NXPE2: variants seen among roughly 807,000 people sequenced by gnomAD.
The protein encoded by NXPE2 is NXPE family member 2.
A neutral mutation model predicts 34.4 loss-of-function variants in NXPE2; 34 were observed. That is an observed-to-expected ratio of 0.99 (90% CI 0.75 to 1.31). NXPE2 has a LOEUF of 1.31. NXPE2 is among the 40% of genes most tolerant of loss of function. The probability of loss-of-function intolerance (pLI) is 0.00; values close to 1 mark genes in which losing one functional copy is unlikely to be tolerated. For missense variants in NXPE2, 649 were observed against 672.5 expected (o/e 0.97, Z 0.39); for synonymous variants, 235 against 231.3 (o/e 1.02, Z -0.15).
the NXPE2 span, among the ~76,000 whole-genome samples, chr11:114,514,777 C>T: frequency 2.9e-3 from 445 of 152,110 alleles, 4 homozygotes; most frequent in Non-Finnish European, 3.3e-3. Context: ...TTATTGACTC[C>T]CTAGCATAAA....
intron 2 of NXPE2, among the ~76,000 whole-genome samples, chr11:114,687,598 C>T (rs1359446722): frequency 6.6e-6 from 1 of 151,984 alleles, no homozygotes; most frequent in Non-Finnish European, 1.5e-5. Context: ...ACTATTTGGG[C>T]TCTCTTTTGG....
the NXPE2 span, among the ~76,000 whole-genome samples, chr11:114,523,510 T>G: frequency 6.6e-6 from 1 of 152,204 alleles, no homozygotes; most frequent in Non-Finnish European, 1.5e-5. Flanking sequence ...TCTTAATTTT[T>G]CCGTGTTCAA....
the NXPE2 span, among the ~76,000 whole-genome samples, chr11:114,633,406 T>G: frequency 6.9e-6 from 1 of 145,504 alleles, no homozygotes; most frequent in Non-Finnish European, 1.5e-5. Context: ...TATATTATAT[T>G]TTATTATATG....
chr11:114,565,518 A>G, the NXPE2 span, among the ~76,000 whole-genome samples: 1 of 152,348 alleles, frequency 6.6e-6, no homozygotes, highest in South Asian at 2.1e-4. Flanking sequence ...TGAGTAGAAC[A>G]GGTAAAAATA....
At chr11:114,603,880 G>A in the NXPE2 span, among the ~76,000 whole-genome samples, 1 of 151,214 alleles carries the variant, frequency 6.6e-6, no homozygotes, top group Non-Finnish European at 1.5e-5. Flanking sequence ...ATATTATCTG[G>A]TGGTTAATAA....
At chr11:114,650,890 C>T in the NXPE2 span, among the ~76,000 whole-genome samples, 1 of 152,104 alleles carries the variant, frequency 6.6e-6, no homozygotes, top group Non-Finnish European at 1.5e-5. Flanking sequence ...AAACGGCAAG[C>T]TGCAGCTGGT....
the NXPE2 span, among the ~76,000 whole-genome samples, chr11:114,510,515 C>T: frequency 1.3e-5 from 2 of 152,178 alleles, no homozygotes; most frequent in Non-Finnish European, 2.9e-5. Flanking sequence ...GCCACCACAC[C>T]CAGCCTTTCT....
At chr11:114,703,449 C>G (rs1951403889) in intron 3 of NXPE2, among the ~76,000 whole-genome samples, 1 of 152,158 alleles carries the variant, frequency 6.6e-6, no homozygotes, top group African/African-American at 2.4e-5. Context: ...AGAATTTACC[C>G]CATAACTGTT....
At chr11:114,632,384 GATATAA>G in the NXPE2 span, among the ~76,000 whole-genome samples, 1 of 127,506 alleles carries the variant, frequency 7.8e-6, no homozygotes, top group Non-Finnish European at 1.6e-5. Flanking sequence ...AGTTATATAT[GATATAA>G]ATATAAATAT....
the NXPE2 span, among the ~76,000 whole-genome samples, chr11:114,609,680 G>A: frequency 6.6e-6 from 1 of 151,024 alleles, no homozygotes; most frequent in Non-Finnish European, 1.5e-5. Context: ...TGGATAATAA[G>A]TATTTCCTCA....
chr11:114,784,477 A>G, the NXPE2 span, among the ~76,000 whole-genome samples: 62 of 152,306 alleles, frequency 4.1e-4, no homozygotes, highest in Admixed American at 2.0e-3. Context: ...CTGCTGCCCA[A>G]TGGAAATCCA....
the NXPE2 span, among the ~76,000 whole-genome samples, chr11:114,616,220 T>G: frequency 4.0e-5 from 6 of 151,506 alleles, no homozygotes; most frequent in Non-Finnish European, 8.8e-5. Context: ...TGGTGGATAA[T>G]AAGTATTGCC....
chr11:114,522,445 A>T, the NXPE2 span: 2 of 1,613,130 alleles, frequency 1.2e-6, no homozygotes, highest in Non-Finnish European at 1.7e-6. Context: ...GTCTTTCTGC[A>T]TCCAGAAGCA....
chr11:114,466,855 AG>A, the NXPE2 span, among the ~76,000 whole-genome samples: 1 of 152,008 alleles, frequency 6.6e-6, no homozygotes, highest in Non-Finnish European at 1.5e-5. Flanking sequence ...CTTTTATTGC[AG>A]GGGGAAGATG....
chr11:114,711,262 A>G (rs764557036), downstream of NXPE2, among the ~76,000 whole-genome samples: 7 of 152,116 alleles, frequency 4.6e-5, no homozygotes, highest in Non-Finnish European at 8.8e-5. Context: ...AAACAAAACA[A>G]AAAAATTTTG....
the NXPE2 span, among the ~76,000 whole-genome samples, chr11:114,561,758 A>G: frequency 6.6e-6 from 1 of 152,152 alleles, no homozygotes; most frequent in Non-Finnish European, 1.5e-5. Context: ...TTTTATGCAG[A>G]TCTTTTTATC....
chr11:114,510,824 A>T, the NXPE2 span, among the ~76,000 whole-genome samples: 1 of 152,220 alleles, frequency 6.6e-6, no homozygotes, highest in Non-Finnish European at 1.5e-5. Context: ...CAGAAAACCA[A>T]GCAAATAAAG....
the NXPE2 span, among the ~76,000 whole-genome samples, chr11:114,611,965 T>C: frequency 3.9e-5 from 6 of 152,126 alleles, no homozygotes; most frequent in South Asian, 1.2e-3. Flanking sequence ...TAATAAGTAT[T>C]GCCTCGTGGG....
chr11:114,702,572 G>A (rs1215091490), intron 3 of NXPE2, among the ~76,000 whole-genome samples: 1 of 152,130 alleles, frequency 6.6e-6, no homozygotes, highest in Admixed American at 6.5e-5. Context: ...TGCCTCCCTT[G>A]TATTATACCA....
Sources: gnomAD v4.1 joint callset for allele counts (sites outside exome capture counted in the v4.1 genomes callset) on GRCh38, gnomAD v4.1.1 for gene constraint, MANE v1.5 for transcripts, NCBI Gene and HGNC (gene_info 2026-07-23, HGNC 2026-07-21) for gene names.